ACVR1: variants seen among roughly 807,000 people sequenced by gnomAD.
The protein encoded by ACVR1 is activin A receptor type 1, also known as activin receptor type-1.
Under a neutral mutation model 57.1 loss-of-function variants are expected in ACVR1, and 38 were observed. The ratio of observed to expected loss-of-function variants is 0.67; its 90% CI spans 0.51 to 0.87. The LOEUF is 0.87. Among genes scored for constraint, ACVR1 ranks in the 40% least tolerant of loss-of-function variants. The pLI is 0.00. For synonymous variants in ACVR1, 212 were observed against 228.1 expected, an observed-to-expected ratio of 0.93 and a Z score of 0.63; for missense variants, 463 against 638.2, an observed-to-expected ratio of 0.73 and a Z score of 2.96.
At chr2:157,753,284 C>T (rs927112920) in intron 9 of ACVR1, among the ~76,000 whole-genome samples, 3 of 152,190 alleles carry the variant, frequency 2.0e-5, no homozygotes, top group African/African-American at 4.8e-5. Context: ...AATCCCAACA[C>T]TTTGGGAGGC....
intron 9 of ACVR1, among the ~76,000 whole-genome samples, chr2:157,752,968 T>A (rs1284491322): frequency 2.6e-5 from 4 of 152,184 alleles, no homozygotes; most frequent in Admixed American, 6.5e-5. Context: ...ATCTCAATAC[T>A]AACCTTGAAT....
At chr2:157,846,400 T>C (rs1295090236) in intron 1 of ACVR1, among the ~76,000 whole-genome samples, 1 of 152,214 alleles carries the variant, frequency 6.6e-6, no homozygotes, top group Non-Finnish European at 1.5e-5. Context: ...TAAACCTTGC[T>C]TCTCCTGAAT....
intron 3 of ACVR1, among the ~76,000 whole-genome samples, chr2:157,789,052 C>T (rs1388519030): frequency 1.3e-5 from 2 of 152,146 alleles, no homozygotes; most frequent in Non-Finnish European, 2.9e-5. Context: ...TAGTCCAAAA[C>T]AATTCATTAA....
intron 1 of ACVR1, among the ~76,000 whole-genome samples, chr2:157,828,449 CAAAAAA>C (rs369753645): frequency 7.1e-5 from 6 of 84,300 alleles, no homozygotes; most frequent in Admixed American, 2.8e-4. Context: ...GACTCCGTCT[CAAAAAA>C]AAAAAAAAAA....
chr2:157,774,753 A>T lies in ACVR1; in HGVS notation c.544-566T>A, dbSNP rs143553609. 3.7e-3 allele frequency among the ~76,000 whole-genome samples: 569 copies of T among 152,368 alleles called. 5 individuals are homozygous for T. The highest frequency in any genetic ancestry group is 0.014 in the East Asian group (72 of 5,196). The stretch of plus-strand genomic sequence containing the variant: ...CCCGAAGGATAAGTAGTCCTTTCTT[A>T]TACACAGAGTTTCCAAATAAAATAT... On this transcript the variant is annotated intron_variant, in intron 5 of 10. Transcript: ENST00000434821.
At chr2:157,810,618 G>A (rs541003854) in intron 2 of ACVR1, among the ~76,000 whole-genome samples, 2 of 152,234 alleles carry the variant, frequency 1.3e-5, no homozygotes, top group South Asian at 4.1e-4. Context: ...TCTGGCAGTG[G>A]GGGGCCTAAG....
chr2:157,820,574 CT>C lies in ACVR1; in HGVS notation c.-182-2016del, dbSNP rs562866854. 9.5e-3 allele frequency among the ~76,000 whole-genome samples: 1,374 copies of C among 145,328 alleles called. 15 individuals carry two copies. The highest frequency in any genetic ancestry group is 0.029 in the South Asian group (131 of 4,552). On this transcript the variant is annotated intron_variant, in intron 1 of 10. Coordinates refer to ENST00000434821, the MANE Select transcript of ACVR1 (RefSeq NM_001111067.4). ...TTTTTAAAAATCAGAGACTCTCTCT[CT>C]TTTTTTTTTTTTCTCATTATAAAGG... is the stretch of plus-strand genomic sequence containing the variant.
At position 157,736,652 on chromosome 2, in the gene ACVR1, C is replaced by G. The variant is rs958443580; in HGVS notation, c.*879G>C. On this transcript the variant is annotated 3_prime_UTR_variant, in exon 11 of 11. Coordinates refer to ENST00000434821, the MANE Select transcript of ACVR1 (RefSeq NM_001111067.4). ...ATCAGTAATATATTCGGTGGTGTCA[C>G]GTGGGTAATGGCTAAATACGTTCTG... 4 of 317,018 alleles carry G rather than the reference C, an allele frequency of 1.3e-5. No homozygotes were observed. Among genetic ancestry groups the G allele is most frequent in the Non-Finnish European group, 2.3e-5 (4 of 172,158 alleles). 19.6% of individuals were successfully genotyped at this position (317,018 alleles called of 1,614,324 possible).
intron 3 of ACVR1, among the ~76,000 whole-genome samples, chr2:157,796,802 T>C (rs1423248282): frequency 6.6e-6 from 1 of 152,162 alleles, no homozygotes; most frequent in Non-Finnish European, 1.5e-5. Context: ...AAATCACTGT[T>C]AACTCACCAA....
At position 157,736,677 on chromosome 2, in the gene ACVR1, G is replaced by C. The variant is rs1684544157; in HGVS notation, c.*854C>G. 1 of 325,088 alleles carries C rather than the reference G, an allele frequency of 3.1e-6. No individual in the cohort carries two copies. The highest frequency in any genetic ancestry group is 5.7e-6 in the Non-Finnish European group (1 of 176,316). 20.1% of individuals were successfully genotyped at this position (325,088 alleles called of 1,614,324 possible). A position where few individuals can be genotyped will look rare whatever the true frequency, so the allele number is the denominator to read the frequency against. ...CGTGGGTAATGGCTAAATACGTTCT[G>C]CATATGAACTGAAAAAAAGTTACAG... is the stretch of plus-strand genomic sequence containing the variant. On this transcript the variant is annotated 3_prime_UTR_variant, in exon 11 of 11. Coordinates refer to ENST00000434821, the MANE Select transcript of ACVR1 (RefSeq NM_001111067.4).
intron 9 of ACVR1, among the ~76,000 whole-genome samples, chr2:157,754,457 C>A (rs572941860): frequency 2.0e-5 from 3 of 152,188 alleles, no homozygotes; most frequent in Non-Finnish European, 4.4e-5. Flanking sequence ...TACAAAAGAT[C>A]ATTCAAGGCT....
At chr2:157,804,292 TAC>T (rs920572252) in intron 2 of ACVR1, among the ~76,000 whole-genome samples, 3 of 152,238 alleles carry the variant, frequency 2.0e-5, no homozygotes, top group African/African-American at 7.2e-5. Flanking sequence ...GACACTGTTC[TAC>T]AGTTTTAGAA....
At position 157,843,995 on chromosome 2, in the gene ACVR1, AAG is replaced by A. The variant is rs1218491586; in HGVS notation, c.-182-25438_-182-25437del. Among the ~76,000 whole-genome samples, 3 of 152,342 alleles carry A rather than the reference AAG, an allele frequency of 2.0e-5. No individual in the cohort carries two copies. The East Asian group carries it at 5.8e-4, about 29-fold the overall frequency. ...TCTTGAAATTAAGCCAAATAAAGAA[AAG>A]AGAATAATTGGGAAAACAGCCTAAG... On this transcript the variant is annotated intron_variant, in intron 1 of 10. Coordinates refer to ENST00000434821, the MANE Select transcript of ACVR1 (RefSeq NM_001111067.4).
In ACVR1 at chr2:157,834,640, CAAAT is replaced by C. The variant is rs540783423; in HGVS notation, c.-182-16085_-182-16082del. ...AGTATGAATTCATGCAGATGTATAT[CAAAT>C]AAATAAATATATTCATATATACATA... is the stretch of plus-strand genomic sequence containing the variant. On this transcript the variant is annotated intron_variant, in intron 1 of 10. Coordinates refer to ENST00000434821, the MANE Select transcript of ACVR1 (RefSeq NM_001111067.4). Among the ~76,000 whole-genome samples the C allele has an allele frequency of 4.0e-3, 607 of 152,046 alleles. 3 individuals are homozygous for C. Among genetic ancestry groups the C allele is most frequent in the Middle Eastern group, 6.8e-3 (2 of 294 alleles).
intron 9 of ACVR1, among the ~76,000 whole-genome samples, chr2:157,747,723 A>G (rs1228007981): frequency 6.6e-6 from 1 of 151,960 alleles, no homozygotes; most frequent in Non-Finnish European, 1.5e-5. Flanking sequence ...GAATACTTTC[A>G]GGTTTAAGTT....
intron 3 of ACVR1, among the ~76,000 whole-genome samples, chr2:157,793,341 T>C (rs749154711): frequency 6.6e-5 from 10 of 151,968 alleles, no homozygotes; most frequent in Non-Finnish European, 1.3e-4. Flanking sequence ...ACCCCTCTTA[T>C]ACTGTCCACT....
intron 1 of ACVR1, among the ~76,000 whole-genome samples, chr2:157,841,517 T>C (rs1251930579): frequency 1.3e-5 from 2 of 152,092 alleles, no homozygotes; most frequent in South Asian, 2.1e-4. Flanking sequence ...GAAACAAAAT[T>C]GTCAGGACTT....
intron 3 of ACVR1, among the ~76,000 whole-genome samples, chr2:157,795,424 A>G (rs1234782844): frequency 3.5e-5 from 5 of 144,016 alleles, no homozygotes; most frequent in Non-Finnish European, 7.7e-5. Flanking sequence ...ACACACACAC[A>G]CACAAACACA....
chr2:157,760,252 G>T (rs1040417237), intron 9 of ACVR1, among the ~76,000 whole-genome samples: 1 of 152,156 alleles, frequency 6.6e-6, no homozygotes, highest in East Asian at 1.9e-4. Context: ...ATCTCATGGT[G>T]GTAGAGAGTA....
Sources: allele counts gnomAD v4.1 joint callset (sites outside exome capture counted in the v4.1 genomes callset), GRCh38; gene constraint gnomAD v4.1.1; transcripts MANE v1.5; gene names NCBI Gene and HGNC (gene_info 2026-07-23, HGNC 2026-07-21).